CDH11: variants seen among roughly 807,000 people sequenced by gnomAD.
CDH11 encodes cadherin 11, also known as cadherin-11.
Under a neutral mutation model 67.8 loss-of-function variants are expected in CDH11, and 11 were observed. The ratio of observed to expected loss-of-function variants is 0.16; its 90% confidence interval spans 0.10 to 0.27. The LOEUF (loss-of-function observed/expected upper bound fraction) is 0.27. CDH11 is among the 10% of genes least tolerant of loss of function. The pLI is 1.00. For synonymous variants in CDH11, 419 were observed against 400.0 expected, an observed-to-expected ratio of 1.05 and a Z score of -0.57; for missense variants, 847 against 1,031.2, an observed-to-expected ratio of 0.82 and a Z score of 2.45.
chr16:65,036,646 G>A (rs750794793), intron 2 of CDH11, among the ~76,000 whole-genome samples: 6 of 152,190 alleles, frequency 3.9e-5, no homozygotes, highest in East Asian at 3.9e-4. Context: ...GCAGGATGTC[G>A]TTTTGGAAAC....
At chr16:65,043,587 G>A (rs900722599) in intron 2 of CDH11, among the ~76,000 whole-genome samples, 2 of 152,162 alleles carry the variant, frequency 1.3e-5, no homozygotes, top group Non-Finnish European at 2.9e-5. Context: ...TTTGGCTGAG[G>A]TGAAAGCTGC....
intron 1 of CDH11, among the ~76,000 whole-genome samples, chr16:65,081,238 A>G (rs2074603860): frequency 6.6e-6 from 1 of 152,202 alleles, no homozygotes; most frequent in Non-Finnish European, 1.5e-5. Context: ...ATTCAGTGCA[A>G]TGGCCATCAA....
At chr16:64,955,496 T>A (rs2071483924) in intron 11 of CDH11, among the ~76,000 whole-genome samples, 1 of 151,910 alleles carries the variant, frequency 6.6e-6, no homozygotes, top group Non-Finnish European at 1.5e-5. Context: ...CTCGACACTT[T>A]GGGAGGCTGA....
chr16:65,050,432 T>C (rs1481236168), intron 2 of CDH11, among the ~76,000 whole-genome samples: 1 of 152,226 alleles, frequency 6.6e-6, no homozygotes, highest in Non-Finnish European at 1.5e-5. Context: ...GAAGTGCCCT[T>C]TCATCTCTGC....
intron 2 of CDH11, among the ~76,000 whole-genome samples, chr16:65,037,602 C>A (rs903536085): frequency 2.0e-5 from 3 of 152,138 alleles, no homozygotes; most frequent in Non-Finnish European, 4.4e-5. Context: ...GTAATAACCA[C>A]CCTCCTCTCT....
rs1383515034 is a variant in CDH11, at chr16:65,059,147, C to T, written c.-297-5219G>A. 2.0e-5 allele frequency among the ~76,000 whole-genome samples: 3 copies of T among 152,148 alleles called. No individual in the cohort carries two copies. The East Asian group carries it at 5.8e-4, about 30-fold the overall frequency. ...GTCTCAAAGAAATTTAGAGATCCTT[C>T]AAAGTTCCTGGACCCAGATTAGACC... On this transcript the variant is annotated intron_variant, in intron 1 of 12. Transcript: ENST00000268603.
In CDH11 at chr16:65,018,057, C is replaced by T. The variant is rs193158655; in HGVS notation, c.-172-13016G>A. On this transcript the variant is annotated intron_variant, in intron 2 of 12. Coordinates refer to ENST00000268603, the MANE Select transcript of CDH11 (RefSeq NM_001797.4). ...ATTTTTAAAATTGGCTTTGATGGAA[C>T]TTTGTTCAGTAAGGAATCTTAGATT... 3.8e-3 allele frequency among the ~76,000 whole-genome samples: 582 copies of T among 152,170 alleles called. 6 individuals are homozygous for T. Among genetic ancestry groups the T allele is most frequent in the African/African-American group, 0.013 (555 of 41,508 alleles).
Position 64,945,607 on chromosome 16 carries a change from C to A in CDH11, c.*1996G>T. 3.9e-6 allele frequency: 4 copies of A among 1,033,754 alleles called. No individual in the cohort carries two copies. Among genetic ancestry groups the A allele is most frequent in the Non-Finnish European group, 4.7e-6 (4 of 859,074 alleles). The allele number at this position is 1,033,754 out of a possible 1,614,324, so 64.0% of individuals were successfully genotyped here. On this transcript the variant is annotated 3_prime_UTR_variant, in exon 13 of 13. Transcript: ENST00000268603. ...TATATAAAAAAATGAACACAACCTG[C>A]AATTATGGAAGTATTGAGAATGTGT...
intron 1 of CDH11, among the ~76,000 whole-genome samples, chr16:65,061,470 C>T (rs982592056): frequency 3.9e-5 from 6 of 152,156 alleles, no homozygotes; most frequent in South Asian, 2.1e-4. Context: ...ATAAATGCAA[C>T]GTGGCATTAT....
intron 1 of CDH11, among the ~76,000 whole-genome samples, chr16:65,055,590 C>T (rs1000546326): frequency 9.9e-5 from 15 of 152,186 alleles, no homozygotes; most frequent in Admixed American, 8.5e-4. Context: ...CCAGGATGAA[C>T]AGTACTTTAA....
At chr16:65,042,179 G>A (rs1216605096) in intron 2 of CDH11, among the ~76,000 whole-genome samples, 4 of 152,192 alleles carry the variant, frequency 2.6e-5, no homozygotes. Context: ...AGGACGTAGG[G>A]GTGGGCATGG....
intron 1 of CDH11, among the ~76,000 whole-genome samples, chr16:65,063,365 G>C (rs1228662558): frequency 6.6e-6 from 1 of 152,204 alleles, no homozygotes; most frequent in Non-Finnish European, 1.5e-5. Context: ...AACAAAAAAA[G>C]CACTGTCAAC....
chr16:65,000,182 C>G (rs1008989016), intron 3 of CDH11, among the ~76,000 whole-genome samples: 4 of 152,162 alleles, frequency 2.6e-5, no homozygotes, highest in African/African-American at 9.7e-5. Flanking sequence ...TCAACTAGGT[C>G]TCTTAACTAC....
chr16:64,979,266 A>G (rs1320418517), intron 8 of CDH11, among the ~76,000 whole-genome samples: 2 of 152,282 alleles, frequency 1.3e-5, no homozygotes, highest in African/African-American at 4.8e-5. Flanking sequence ...CGTGGCCAAC[A>G]TGGCAAAACC....
Position 65,080,366 on chromosome 16 carries a change from T to C in CDH11, c.-297-26438A>G, listed in dbSNP as rs556053881. 1.1e-3 allele frequency among the ~76,000 whole-genome samples: 160 copies of C among 152,294 alleles called. 1 individual carries two copies. Among genetic ancestry groups the C allele is most frequent in the Non-Finnish European group, 1.8e-3 (121 of 68,018 alleles). ...AATGGGTGCTTAGAAGTGAAATCAC[T>C]GGGTCAAAAGAGGTAAGACTTTTAA... On this transcript the variant is annotated intron_variant, in intron 1 of 12. Coordinates refer to ENST00000268603, the MANE Select transcript of CDH11 (RefSeq NM_001797.4).
At chr16:64,988,094 G>T (rs989580241) in intron 7 of CDH11, 63 bp downstream of exon 7, 3 of 1,305,074 alleles carry the variant, frequency 2.3e-6, no homozygotes, top group South Asian at 1.6e-5. Flanking sequence ...CCTGTTTCTT[G>T]CAGTGTTGCC....
intron 1 of CDH11, among the ~76,000 whole-genome samples, chr16:65,092,111 T>C (rs1451118167): frequency 6.6e-6 from 1 of 152,158 alleles, no homozygotes; most frequent in Non-Finnish European, 1.5e-5. Context: ...TAGAATGCCA[T>C]AGTCATAGAT....
chr16:65,080,311 G>C (rs188032623), intron 1 of CDH11, among the ~76,000 whole-genome samples: 138 of 150,796 alleles, frequency 9.2e-4, no homozygotes, highest in African/African-American at 3.2e-3. Context: ...GTGCATTAAT[G>C]TCTGTCTTCA....
intron 2 of CDH11, among the ~76,000 whole-genome samples, chr16:65,029,333 A>G (rs2073594357): frequency 6.6e-6 from 1 of 152,188 alleles, no homozygotes; most frequent in Non-Finnish European, 1.5e-5. Context: ...TCGCAGGGCC[A>G]TTAAAAAAAG....
Sources: gnomAD v4.1 joint callset for allele counts (sites outside exome capture counted in the v4.1 genomes callset) on GRCh38, gnomAD v4.1.1 for gene constraint, MANE v1.5 for transcripts, NCBI Gene and HGNC (gene_info 2026-07-23, HGNC 2026-07-21) for gene names.